Variants in ZDHHC6 observed in about 807,000 individuals in gnomAD.
ZDHHC6 encodes palmitoyltransferase ZDHHC6.
ZDHHC6 carries 32 observed loss-of-function variants against 57.8 expected under a neutral mutation model. The observed-to-expected ratio is 0.55, with a 90% confidence interval of 0.42 to 0.74. The LOEUF is 0.74. Ranked by LOEUF, ZDHHC6 falls within the 30% of genes least tolerant of loss-of-function variation. ZDHHC6 has a pLI of 0.00. For missense variants in ZDHHC6, 433 were observed against 500.7 expected (o/e 0.86, Z 1.29); for synonymous variants, 128 against 158.0 (o/e 0.81, Z 1.42).
intron 2 of ZDHHC6, 71 bp downstream of exon 2, chr10:112,445,099 G>A: frequency 6.6e-7 from 1 of 1,513,234 alleles, no homozygotes; most frequent in Non-Finnish European, 8.9e-7. Flanking sequence ...GGTATTATTG[G>A]TTAGTAGATA....
chr10:112,426,352 A>C, downstream of ZDHHC6: 2 of 1,613,890 alleles, frequency 1.2e-6, no homozygotes, highest in Non-Finnish European at 8.5e-7. Context: ...GAACTGTGCC[A>C]AAACCAAGTA....
chr10:112,443,120 T>C (rs1846296456), intron 3 of ZDHHC6, among the ~76,000 whole-genome samples: 1 of 152,182 alleles, frequency 6.6e-6, no homozygotes, highest in Non-Finnish European at 1.5e-5. Context: ...TGTTTGTCAA[T>C]AAGTAATGGG....
downstream of ZDHHC6, among the ~76,000 whole-genome samples, chr10:112,429,980 G>GT (rs1373826564): frequency 6.2e-5 from 9 of 145,366 alleles, 1 homozygote; most frequent in South Asian, 2.2e-4. Context: ...GGGGGGGTGT[G>GT]GGGGGGGTAT....
At chr10:112,447,427 G>T, upstream of ZDHHC6, 1 of 1,613,740 alleles carries the variant, frequency 6.2e-7, no homozygotes, top group Non-Finnish European at 8.5e-7. Context: ...TCACTGCAGA[G>T]ATCACCAGCA....
At chr10:112,443,027 T>C (rs1056182205) in intron 3 of ZDHHC6, among the ~76,000 whole-genome samples, 1 of 152,246 alleles carries the variant, frequency 6.6e-6, no homozygotes, top group Non-Finnish European at 1.5e-5. Context: ...ATATTTTTAA[T>C]AGTCAGTTTT....
Position 112,430,488 on chromosome 10 carries a change from C to T in ZDHHC6, c.*316G>A, listed in dbSNP as rs1844921792. 5.7e-6 allele frequency: 1 copy of T among 176,682 alleles called. No individual in the cohort carries two copies. The highest frequency in any genetic ancestry group is 1.2e-5 in the Non-Finnish European group (1 of 84,516). 10.9% of individuals were successfully genotyped at this position (176,682 alleles called of 1,614,324 possible). A position where few individuals can be genotyped will look rare whatever the true frequency, so the allele number is the denominator to read the frequency against. On this transcript the variant is annotated 3_prime_UTR_variant, in exon 11 of 11. Coordinates refer to ENST00000369405, the MANE Select transcript of ZDHHC6 (RefSeq NM_022494.3). ...GCAGATGCTCCTGGCAAGGGGGGAA[C>T]TGTATCTGCAGGTGAGGTCCAGAGT...
At chr10:112,436,993 G>A (rs1468645619) in intron 6 of ZDHHC6, among the ~76,000 whole-genome samples, 2 of 152,138 alleles carry the variant, frequency 1.3e-5, no homozygotes, top group Non-Finnish European at 2.9e-5. Context: ...TTGAAAGAAT[G>A]AGTAATATAG....
chr10:112,447,508 C>A (rs1407429554), upstream of ZDHHC6: 2 of 1,603,224 alleles, frequency 1.2e-6, no homozygotes, highest in Non-Finnish European at 1.7e-6. Flanking sequence ...CTGGGGAGAG[C>A]TGGGAGGGTG....
chr10:112,429,131 T>G (rs1589711149), downstream of ZDHHC6, among the ~76,000 whole-genome samples: 1 of 152,212 alleles, frequency 6.6e-6, no homozygotes, highest in Non-Finnish European at 1.5e-5. Context: ...CTTTCTAGAT[T>G]TTGAGCCCAG....
chr10:112,432,571 G>A, intron 8 of ZDHHC6, 50 bp from the exon 9 acceptor site: 1 of 1,572,326 alleles, frequency 6.4e-7, no homozygotes, highest in Non-Finnish European at 8.6e-7. Context: ...CATGATATCT[G>A]AGTTTTAAGT....
chr10:112,426,997 G>T, downstream of ZDHHC6: 1 of 882,872 alleles, frequency 1.1e-6, no homozygotes, highest in South Asian at 1.7e-5. Context: ...ATGACCTTTT[G>T]TAGTTACTTG....
chr10:112,439,873 A>C (rs1845944146), intron 5 of ZDHHC6, among the ~76,000 whole-genome samples: 1 of 152,026 alleles, frequency 6.6e-6, no homozygotes, highest in Non-Finnish European at 1.5e-5. Context: ...TCATCAGAGT[A>C]GGCTTTAAAT....
chr10:112,443,374 G>T, intron 3 of ZDHHC6, 141 bp downstream of exon 3: 1 of 585,412 alleles, frequency 1.7e-6, no homozygotes, highest in Non-Finnish European at 2.9e-6. Context: ...TGGCGATTAT[G>T]GACACAAGTA....
intron 2 of ZDHHC6, among the ~76,000 whole-genome samples, chr10:112,444,877 T>C (rs764274333): frequency 4.3e-4 from 66 of 152,138 alleles, no homozygotes; most frequent in Non-Finnish European, 7.9e-4. Context: ...ACATGTGATG[T>C]TTCCTAAACT....
chr10:112,427,103 G>C (rs1257655902), downstream of ZDHHC6: 3 of 1,130,432 alleles, frequency 2.7e-6, no homozygotes, highest in African/African-American at 4.7e-5. Flanking sequence ...ATGTGTTACT[G>C]TTACCTTTAC....
intron 5 of ZDHHC6, among the ~76,000 whole-genome samples, chr10:112,439,307 T>C (rs1224663902): frequency 1.3e-5 from 2 of 152,152 alleles, no homozygotes; most frequent in Admixed American, 6.5e-5. Flanking sequence ...AATGAATGAA[T>C]GAATGAATTA....
intron 3 of ZDHHC6, 125 bp from the exon 4 acceptor site, chr10:112,442,476 T>A (rs967271649): frequency 3.4e-6 from 3 of 881,874 alleles, no homozygotes; most frequent in Admixed American, 3.4e-5. Flanking sequence ...GAATTATACT[T>A]CATGGAACAG....
chr10:112,431,721 A>C (rs1231220190), intron 10 of ZDHHC6, among the ~76,000 whole-genome samples: 1 of 151,436 alleles, frequency 6.6e-6, no homozygotes, highest in Non-Finnish European at 1.5e-5. Context: ...AAAAAGAAAC[A>C]ATTATAAAAC....
intron 2 of ZDHHC6, among the ~76,000 whole-genome samples, chr10:112,444,072 G>A (rs1291734779): frequency 6.6e-6 from 1 of 152,002 alleles, no homozygotes; most frequent in African/African-American, 2.4e-5. Flanking sequence ...AGCACAAACC[G>A]TGTATTGTCA....
Sources: allele counts gnomAD v4.1 joint callset (sites outside exome capture counted in the v4.1 genomes callset), GRCh38; gene constraint gnomAD v4.1.1; transcripts MANE v1.5; gene names NCBI Gene and HGNC (gene_info 2026-07-23, HGNC 2026-07-21).